The following HPSE2 variants were observed in gnomAD, a reference collection of about 807,000 sequenced individuals.
HPSE2 encodes heparanase 2 (inactive).
In HPSE2, 38 loss-of-function variants were observed where a neutral mutation model predicts 60.5. The ratio of observed to expected loss-of-function variants is 0.63; its 90% CI spans 0.48 to 0.82. The LOEUF (loss-of-function observed/expected upper bound fraction) is 0.82, where lower values mean the gene tolerates loss of function less well. Ranked by LOEUF, HPSE2 falls within the 40% of genes least tolerant of loss-of-function variation. The pLI, the probability that HPSE2 is intolerant of heterozygous loss-of-function variation, is 0.00. For synonymous variants in HPSE2, 295 were observed against 293.2 expected (o/e 1.01, Z -0.06); for missense variants, 713 against 740.4 (o/e 0.96, Z 0.43).
chr10:99,309,816 A>G, the HPSE2 span, among the ~76,000 whole-genome samples: 1 of 152,252 alleles, frequency 6.6e-6, no homozygotes, highest in Admixed American at 6.5e-5. Flanking sequence ...CATTCTGGAA[A>G]ACTATATGGC....
intron 2 of HPSE2, among the ~76,000 whole-genome samples, chr10:99,172,250 T>A (rs1036583513): frequency 2.6e-5 from 4 of 152,292 alleles, no homozygotes; most frequent in South Asian, 2.1e-4. Context: ...GAATTTTTTT[T>A]ATAAGAATTT....
At position 99,126,935 on chromosome 10, in the gene HPSE2, T is replaced by TAGGGGA. The variant is rs929839492; in HGVS notation, c.610+17297_610+17302dup. Reference sequence around the variant, plus strand: ...TCTGGCTCCCAGAAAGCCCCATCCCTAGGGGAAGGGGAAGAGCACCACATG... The same window carrying TAGGGGA: ...TCTGGCTCCCAGAAAGCCCCATCCCTAGGGGAAGGGGAAGGGGAAGAGCACCACATG... On this transcript the variant is annotated intron_variant, in intron 3 of 11. Transcript: ENST00000370552. This position sits in a 1 kb window ranked among gnomAD's most constrained non-coding sequence, Gnocchi z 4.0. Among the ~76,000 whole-genome samples the TAGGGGA allele has an allele frequency of 3.9e-5, 6 of 152,044 alleles. No individual in the cohort carries two copies. Among genetic ancestry groups the TAGGGGA allele is most frequent in the African/African-American group, 1.4e-4 (6 of 41,394 alleles).
At chr10:98,586,165 T>C (rs555136449) in intron 9 of HPSE2, among the ~76,000 whole-genome samples, 1 of 152,320 alleles carries the variant, frequency 6.6e-6, no homozygotes, top group South Asian at 2.1e-4. Flanking sequence ...AGGATTCATA[T>C]ACAATAGAAT....
At chr10:99,048,852 G>C (rs1957922847) in intron 3 of HPSE2, among the ~76,000 whole-genome samples, 1 of 152,138 alleles carries the variant, frequency 6.6e-6, no homozygotes, top group Non-Finnish European at 1.5e-5. Flanking sequence ...TGGTGGACTA[G>C]ATAAAGAAAA....
At chr10:99,073,332 G>A (rs566404437) in intron 3 of HPSE2, among the ~76,000 whole-genome samples, 1 of 152,288 alleles carries the variant, frequency 6.6e-6, no homozygotes, top group Admixed American at 6.5e-5. Flanking sequence ...GCAGGGACAT[G>A]GATGGAGCTG....
intron 4 of HPSE2, among the ~76,000 whole-genome samples, chr10:98,740,115 TA>T (rs1356055165): frequency 1.3e-5 from 2 of 152,078 alleles, no homozygotes; most frequent in Non-Finnish European, 2.9e-5. Flanking sequence ...AAAGTAATTG[TA>T]AAAAAGTATG....
chr10:98,534,945 T>G (rs2133809186), intron 9 of HPSE2, among the ~76,000 whole-genome samples: 1 of 144,386 alleles, frequency 6.9e-6, no homozygotes, highest in South Asian at 2.3e-4. Flanking sequence ...AGCTCTAAGA[T>G]GTTTGATAAA....
intron 9 of HPSE2, among the ~76,000 whole-genome samples, chr10:98,606,284 G>T (rs1399075225): frequency 1.3e-5 from 2 of 152,212 alleles, no homozygotes; most frequent in Non-Finnish European, 2.9e-5. Flanking sequence ...AAATAAAAAG[G>T]TAGTTAATTT....
At chr10:98,960,440 T>C (rs887218114) in intron 3 of HPSE2, among the ~76,000 whole-genome samples, 22 of 152,128 alleles carry the variant, frequency 1.4e-4, no homozygotes, top group African/African-American at 4.6e-4. Context: ...TCTAAATTCA[T>C]TTATTTACAT....
At chr10:99,138,171 C>T (rs1438637908) in intron 3 of HPSE2, among the ~76,000 whole-genome samples, 1 of 152,152 alleles carries the variant, frequency 6.6e-6, no homozygotes, top group Non-Finnish European at 1.5e-5. Flanking sequence ...TGGAGAAATG[C>T]AAATCAAAAC....
At chr10:99,266,469 T>C in the HPSE2 span, among the ~76,000 whole-genome samples, 55 of 151,274 alleles carry the variant, frequency 3.6e-4, no homozygotes, top group African/African-American at 1.3e-3. Context: ...AACACACCCA[T>C]CCCCCACAGC....
intron 3 of HPSE2, among the ~76,000 whole-genome samples, chr10:99,107,528 G>T (rs367983670): frequency 6.6e-6 from 1 of 152,044 alleles, no homozygotes; most frequent in Admixed American, 6.6e-5. Context: ...AATTTTACAT[G>T]TGCCTATTAA....
intron 2 of HPSE2, among the ~76,000 whole-genome samples, chr10:99,160,898 C>CA (rs60506210): frequency 0.01 from 554 of 55,162 alleles, 25 homozygotes; most frequent in Admixed American, 0.017. Context: ...GACTCCGTCT[C>CA]AAAAAAAAAA....
the HPSE2 span, among the ~76,000 whole-genome samples, chr10:99,276,811 G>A: frequency 2.0e-5 from 3 of 152,122 alleles, no homozygotes; most frequent in South Asian, 4.1e-4. Flanking sequence ...TGTCAAATTA[G>A]ATGCCGTGGA....
At chr10:99,176,828 C>A (rs531537360) in intron 2 of HPSE2, among the ~76,000 whole-genome samples, 2 of 151,800 alleles carry the variant, frequency 1.3e-5, no homozygotes, top group Admixed American at 1.3e-4. Context: ...ATCAGATTCA[C>A]CAAGGTTGAA....
rs1468125090 is a variant in HPSE2 at position 98,724,828 on chromosome 10, T to C, written c.785-3000A>G. On this transcript the variant is annotated intron_variant, in intron 4 of 11. Transcript: ENST00000370552. ...AATCAATGTGCAAAAATCACAAGCA[T>C]TCTTATACACCAATAACAGACAAAC... Among the ~76,000 whole-genome samples the C allele has an allele frequency of 2.6e-5, 4 of 152,256 alleles. No individual in the cohort carries two copies. The East Asian group carries it at 5.8e-4, about 22-fold the overall frequency.
At chr10:98,835,731 C>T (rs779833633) in intron 3 of HPSE2, among the ~76,000 whole-genome samples, 5 of 152,108 alleles carry the variant, frequency 3.3e-5, no homozygotes, top group Non-Finnish European at 5.9e-5. Flanking sequence ...TTGAAGAGAC[C>T]ATTCTTCAGT....
intron 9 of HPSE2, among the ~76,000 whole-genome samples, chr10:98,512,413 C>T (rs893276771): frequency 6.6e-6 from 1 of 152,074 alleles, no homozygotes; most frequent in Non-Finnish European, 1.5e-5. Context: ...AACCCTGTCT[C>T]TACTAAAAAC....
intron 3 of HPSE2, among the ~76,000 whole-genome samples, chr10:98,825,117 A>G (rs10786475): frequency 0.038 from 5,749 of 152,298 alleles, 235 homozygotes; most frequent in East Asian, 0.17. Flanking sequence ...TGTAATACTT[A>G]TAACAAAAGA....
Sources: gnomAD v4.1 joint callset for allele counts (sites outside exome capture counted in the v4.1 genomes callset) on GRCh38, gnomAD v4.1.1 for gene constraint, Gnocchi (gnomAD v3.1) non-coding constraint, MANE v1.5 for transcripts, NCBI Gene and HGNC (gene_info 2026-07-23, HGNC 2026-07-21) for gene names.